Variants in MPPED1 observed in about 807,000 individuals in gnomAD.
MPPED1 encodes the protein metallophosphoesterase domain containing 1, also known as metallophosphoesterase domain-containing protein 1.
In MPPED1, 16 loss-of-function variants were observed where a neutral mutation model predicts 36.2. That is an observed-to-expected ratio of 0.44 (90% confidence interval 0.30 to 0.67). The LOEUF is 0.67. MPPED1 is among the 30% of genes least tolerant of loss of function. MPPED1 has a pLI of 0.10. For missense variants in MPPED1, 307 were observed against 453.4 expected, an observed-to-expected ratio of 0.68 and a Z score of 2.93; for synonymous variants, 199 against 191.3, an observed-to-expected ratio of 1.04 and a Z score of -0.33.
At chr22:43,468,834 G>A (rs937632823) in intron 3 of MPPED1, among the ~76,000 whole-genome samples, 1 of 152,096 alleles carries the variant, frequency 6.6e-6, no homozygotes, top group African/African-American at 2.4e-5. Flanking sequence ...AGCCTAAGGG[G>A]CATTCAGGAT....
intron 5 of MPPED1, among the ~76,000 whole-genome samples, chr22:43,501,261 G>C (rs531736402): frequency 6.6e-6 from 1 of 152,340 alleles, no homozygotes; most frequent in Non-Finnish European, 1.5e-5. Flanking sequence ...CTGACAGTGA[G>C]GCTCAGCAGC....
chr22:43,505,228 G>T (rs1376637406), intron 6 of MPPED1, among the ~76,000 whole-genome samples: 1 of 152,076 alleles, frequency 6.6e-6, no homozygotes, highest in African/African-American at 2.4e-5. Context: ...TGTCGATGAT[G>T]ATGACTCACT....
At chr22:43,447,859 T>TA (rs1421264893) in intron 3 of MPPED1, among the ~76,000 whole-genome samples, 40 of 62,468 alleles carry the variant, frequency 6.4e-4, no homozygotes, top group African/African-American at 1.9e-3. Flanking sequence ...TATGTAAATA[T>TA]TATATATATA....
At chr22:43,435,894 T>G (rs553824704) in intron 3 of MPPED1, among the ~76,000 whole-genome samples, 1 of 152,270 alleles carries the variant, frequency 6.6e-6, no homozygotes, top group Non-Finnish European at 1.5e-5. Context: ...AATGAATGGC[T>G]GAGTGGGTGA....
In MPPED1 at chr22:43,474,646, C is replaced by A; in HGVS notation, c.407-90C>A. 3 of 1,562,332 alleles carry A rather than the reference C, an allele frequency of 1.9e-6. No individual in the cohort carries two copies. Among genetic ancestry groups the A allele is most frequent in the Non-Finnish European group, 2.6e-6 (3 of 1,138,578 alleles). On this transcript the variant is annotated intron_variant, in intron 3 of 6. Transcript: ENST00000443721. The surrounding 1 kb of genome is among the most constrained non-coding windows in gnomAD (Gnocchi z 5.2). The stretch of plus-strand genomic sequence containing the variant: ...CTTTGACCAGGAGTTCATGCAGCTT[C>A]CTCCTGCCCGCCCCTCTCTCAGCCG...
intron 3 of MPPED1, among the ~76,000 whole-genome samples, chr22:43,452,100 C>T (rs988981200): frequency 2.6e-5 from 4 of 151,590 alleles, no homozygotes; most frequent in African/African-American, 9.7e-5. Context: ...TCACTGCAAC[C>T]TCTGCCTCCC....
intron 3 of MPPED1, among the ~76,000 whole-genome samples, chr22:43,466,689 A>G (rs1184573339): frequency 6.6e-6 from 1 of 152,158 alleles, no homozygotes; most frequent in Non-Finnish European, 1.5e-5. Flanking sequence ...CAGGGCCACT[A>G]TCCACCTGCC....
chr22:43,492,150 A>G (rs1932125829), intron 4 of MPPED1, among the ~76,000 whole-genome samples: 1 of 152,050 alleles, frequency 6.6e-6, no homozygotes, highest in Non-Finnish European at 1.5e-5. Context: ...CGTTTTAAGT[A>G]CTTTACATGG....
At chr22:43,460,262 AAC>A (rs1930907389) in intron 3 of MPPED1, among the ~76,000 whole-genome samples, 8 of 122,398 alleles carry the variant, frequency 6.5e-5, no homozygotes, top group Non-Finnish European at 1.3e-4. Flanking sequence ...AACAAACCCA[AAC>A]CCCCCCCCCC....
intron 3 of MPPED1, among the ~76,000 whole-genome samples, chr22:43,441,141 T>A (rs1339120268): frequency 6.6e-6 from 1 of 152,106 alleles, no homozygotes; most frequent in African/African-American, 2.4e-5. Flanking sequence ...TCTGCCAGGG[T>A]TTTAGACTAG....
intron 3 of MPPED1, among the ~76,000 whole-genome samples, chr22:43,455,401 C>T (rs189388940): frequency 2.2e-4 from 33 of 152,212 alleles, no homozygotes; most frequent in Non-Finnish European, 4.1e-4. Flanking sequence ...TGAGCCACTG[C>T]GCCAGGTCAA....
At chr22:43,417,963 A>T (rs1042095098) in intron 1 of MPPED1, 1 of 441,308 alleles carries the variant, frequency 2.3e-6, no homozygotes, top group Non-Finnish European at 4.6e-6. Context: ...CTGTTGGGGG[A>T]GATGTTTCTC....
At chr22:43,469,895 C>T (rs1055630674) in intron 3 of MPPED1, among the ~76,000 whole-genome samples, 2 of 152,046 alleles carry the variant, frequency 1.3e-5, no homozygotes, top group African/African-American at 4.8e-5. Context: ...GTCTATAAAC[C>T]ATCTATCCGT....
intron 4 of MPPED1, among the ~76,000 whole-genome samples, chr22:43,482,098 A>G (rs182471727): frequency 6.6e-6 from 1 of 152,308 alleles, no homozygotes; most frequent in Admixed American, 6.5e-5. Context: ...GAGAAGAGGA[A>G]GAACTCAGCT....
chr22:43,473,344 C>T (rs1931440077), intron 3 of MPPED1, among the ~76,000 whole-genome samples: 1 of 152,156 alleles, frequency 6.6e-6, no homozygotes, highest in Non-Finnish European at 1.5e-5. Context: ...AGGTCATGGT[C>T]TTCCAGGGAT....
chr22:43,434,034 G>T (rs1352895359), intron 2 of MPPED1, among the ~76,000 whole-genome samples: 1 of 152,186 alleles, frequency 6.6e-6, no homozygotes, highest in Non-Finnish European at 1.5e-5. Context: ...CAGGGTCTTA[G>T]CCCACGTCCA....
chr22:43,454,581 A>C (rs1930688604), intron 3 of MPPED1, among the ~76,000 whole-genome samples: 1 of 151,034 alleles, frequency 6.6e-6, no homozygotes, highest in African/African-American at 2.4e-5. Context: ...CTTCATCTTA[A>C]AGGAACACCG....
chr22:43,441,623 G>A (rs1047189913), intron 3 of MPPED1, among the ~76,000 whole-genome samples: 2 of 152,228 alleles, frequency 1.3e-5, no homozygotes, highest in African/African-American at 2.4e-5. Context: ...TGGTAATGGA[G>A]TATTTAGAAG....
At chr22:43,444,089 G>A (rs952323956) in intron 3 of MPPED1, among the ~76,000 whole-genome samples, 14 of 152,058 alleles carry the variant, frequency 9.2e-5, no homozygotes, top group African/African-American at 3.1e-4. Flanking sequence ...GTGTTGTAGG[G>A]GCTAAAAGGA....
Sources: gnomAD v4.1 joint callset for allele counts (sites outside exome capture counted in the v4.1 genomes callset) on GRCh38, gnomAD v4.1.1 for gene constraint, Gnocchi (gnomAD v3.1) non-coding constraint, MANE v1.5 for transcripts, NCBI Gene and HGNC (gene_info 2026-07-23, HGNC 2026-07-21) for gene names.